RIN2: variants seen among roughly 807,000 people sequenced by gnomAD.
The protein encoded by RIN2 is RAB5 interacting protein 2.
Under a neutral mutation model 78.0 loss-of-function variants are expected in RIN2, and 36 were observed. That is an observed-to-expected ratio of 0.46 (90% CI 0.35 to 0.61). The LOEUF is 0.61. RIN2 is among the 20% of genes least tolerant of loss of function. The pLI is 0.00. For missense variants in RIN2, 1,087 were observed against 1,159.7 expected (o/e 0.94, Z 0.91); for synonymous variants, 466 against 466.8 (o/e 1.00, Z 0.02).
At chr20:19,875,020 C>T (rs2037812240) in intron 2 of RIN2, among the ~76,000 whole-genome samples, 2 of 151,754 alleles carry the variant, frequency 1.3e-5, no homozygotes, top group Admixed American at 6.6e-5. Context: ...GCCACCATAC[C>T]CAGCTAAGTT....
chr20:19,948,763 C>T (rs2146199592), intron 4 of RIN2, among the ~76,000 whole-genome samples: 1 of 152,018 alleles, frequency 6.6e-6, no homozygotes, highest in South Asian at 2.1e-4. Flanking sequence ...GAAGTATGCC[C>T]CAGACAAAAG....
intron 1 of RIN2, among the ~76,000 whole-genome samples, chr20:19,785,144 C>T (rs184972337): frequency 1.3e-5 from 2 of 152,206 alleles, no homozygotes; most frequent in Admixed American, 1.3e-4. Flanking sequence ...CTCTCACTCA[C>T]GATCCAGTAA....
Position 19,911,647 on chromosome 20 carries a change from A to G in RIN2, c.57+21989A>G, listed in dbSNP as rs540839415. On this transcript the variant is annotated intron_variant, in intron 3 of 12. Transcript: ENST00000255006. ...TGTTCATTGCTCTGGTCATGTCCTTATACTATTTCTTTTCCTATTTCTTTG... is the reference window on the plus strand; with the variant it reads ...TGTTCATTGCTCTGGTCATGTCCTTGTACTATTTCTTTTCCTATTTCTTTG... Among the ~76,000 whole-genome samples, 333 of 152,314 alleles carry G rather than the reference A, an allele frequency of 2.2e-3. 2 individuals are homozygous for G. Among genetic ancestry groups the G allele is most frequent in the African/African-American group, 7.7e-3 (321 of 41,566 alleles).
At chr20:19,882,329 T>C (rs6046403) in intron 2 of RIN2, among the ~76,000 whole-genome samples, 129,955 of 152,220 alleles carry the variant, frequency 0.85, 55,620 homozygotes, top group East Asian at 0.94. Flanking sequence ...TGATCAATCA[T>C]GTCTCTTTTA....
intron 1 of RIN2, among the ~76,000 whole-genome samples, chr20:19,764,330 A>G (rs1306776360): frequency 7.8e-6 from 1 of 128,378 alleles, no homozygotes; most frequent in African/African-American, 2.7e-5. Context: ...CCTGTGTGGT[A>G]ACTGAGGGCA....
intron 2 of RIN2, among the ~76,000 whole-genome samples, chr20:19,812,839 G>A (rs2122821399): frequency 6.6e-6 from 1 of 152,366 alleles, no homozygotes; most frequent in African/African-American, 2.4e-5. Flanking sequence ...TGAATAGGAA[G>A]TTGGTGGTTA....
intron 1 of RIN2, among the ~76,000 whole-genome samples, chr20:19,776,422 A>AGTT (rs2034312179): frequency 6.6e-6 from 1 of 152,144 alleles, no homozygotes; most frequent in Non-Finnish European, 1.5e-5. Flanking sequence ...TCTTGCAACC[A>AGTT]ATTGCCAATC....
At chr20:19,889,208 C>T (rs1396187829) in intron 2 of RIN2, 1 of 985,236 alleles carries the variant, frequency 1.0e-6, no homozygotes, top group Non-Finnish European at 1.2e-6. Context: ...TGTGATCAGC[C>T]ACATTCAATC....
At chr20:19,844,640 T>TTCTTCTTCC (rs1491251154) in intron 2 of RIN2, among the ~76,000 whole-genome samples, 1 of 138,234 alleles carries the variant, frequency 7.2e-6, no homozygotes, top group East Asian at 2.2e-4. Context: ...CTTCTTCTTC[T>TTCTTCTTCC]TCTTCTTCTT....
At chr20:19,794,403 A>G (rs1417996030) in intron 1 of RIN2, among the ~76,000 whole-genome samples, 2 of 152,196 alleles carry the variant, frequency 1.3e-5, no homozygotes, top group Admixed American at 1.3e-4. Flanking sequence ...TAAAAATACA[A>G]AAATTAGCCA....
chr20:19,898,909 G>GA (rs1206123315), intron 3 of RIN2, among the ~76,000 whole-genome samples: 1 of 152,026 alleles, frequency 6.6e-6, no homozygotes, highest in East Asian at 1.9e-4. Flanking sequence ...TGGAATTACA[G>GA]AAAAAAATGA....
At chr20:19,949,759 C>T (rs1243307513) in intron 4 of RIN2, among the ~76,000 whole-genome samples, 1 of 152,166 alleles carries the variant, frequency 6.6e-6, no homozygotes, top group Non-Finnish European at 1.5e-5. Context: ...ACCCTGGTCA[C>T]TAGGACTGGT....
At chr20:19,778,752 G>C (rs1278872700) in intron 1 of RIN2, among the ~76,000 whole-genome samples, 1 of 152,148 alleles carries the variant, frequency 6.6e-6, no homozygotes, top group Non-Finnish European at 1.5e-5. Context: ...AAGGACACCT[G>C]TTCTGAAGTT....
At chr20:19,793,903 C>T (rs996929427) in intron 1 of RIN2, among the ~76,000 whole-genome samples, 2 of 152,178 alleles carry the variant, frequency 1.3e-5, no homozygotes, top group African/African-American at 4.8e-5. Context: ...TGAGAAAGCT[C>T]ATAGCTGGGT....
In RIN2 at chr20:19,764,927, T is replaced by G. The variant is rs1216259597; in HGVS notation, c.-163+6600T>G. The stretch of plus-strand genomic sequence containing the variant: ...CCACTTCACTTTCTGCGTTTTTTTT[T>G]TTTTTTTTTTTTTTTTGACAGAGTC... On this transcript the variant is annotated intron_variant, in intron 1 of 12. Coordinates refer to ENST00000255006, the MANE Select transcript of RIN2 (RefSeq NM_018993.4). Among the ~76,000 whole-genome samples, 29 of 120,086 alleles carry G rather than the reference T, an allele frequency of 2.4e-4. 1 individual carries two copies. Among genetic ancestry groups the G allele is most frequent in the Admixed American group, 1.7e-4 (2 of 11,992 alleles). The allele number at this position is 120,086 out of a possible 152,430, so 78.8% of individuals were successfully genotyped here.
rs144137430 is a variant in RIN2 at position 19,794,352 on chromosome 20, T to C, written c.-162-5270T>C. Reference sequence around the variant, plus strand: ...GGGCAGATCACCTGAGGTCAAGAGTTCGAGCCCAGCCTGGCCAACATGGCG... The same window carrying C: ...GGGCAGATCACCTGAGGTCAAGAGTCCGAGCCCAGCCTGGCCAACATGGCG... On this transcript the variant is annotated intron_variant, in intron 1 of 12. Coordinates refer to ENST00000255006, the MANE Select transcript of RIN2 (RefSeq NM_018993.4). 1.7e-3 allele frequency among the ~76,000 whole-genome samples: 258 copies of C among 152,144 alleles called. 2 individuals carry two copies. Among genetic ancestry groups the C allele is most frequent in the African/African-American group, 5.9e-3 (244 of 41,512 alleles).
chr20:19,836,596 GCTCTCT>G (rs145293810), intron 2 of RIN2, among the ~76,000 whole-genome samples: 3 of 148,790 alleles, frequency 2.0e-5, no homozygotes, highest in Non-Finnish European at 3.0e-5. Flanking sequence ...GAGACCATGA[GCTCTCT>G]CTCTCTCTCT....
intron 2 of RIN2, among the ~76,000 whole-genome samples, chr20:19,838,863 T>A (rs1469318235): frequency 6.6e-6 from 1 of 152,112 alleles, no homozygotes; most frequent in Non-Finnish European, 1.5e-5. Flanking sequence ...CCCCACACAC[T>A]GGGGTCCCCG....
chr20:19,798,590 G>A (rs2035140429), intron 1 of RIN2, among the ~76,000 whole-genome samples: 2 of 152,096 alleles, frequency 1.3e-5, no homozygotes, highest in South Asian at 4.1e-4. Flanking sequence ...TGGAGCACAT[G>A]AGAAACATAT....
Sources: gnomAD v4.1 joint callset for allele counts (sites outside exome capture counted in the v4.1 genomes callset) on GRCh38, gnomAD v4.1.1 for gene constraint, MANE v1.5 for transcripts, NCBI Gene and HGNC (gene_info 2026-07-23, HGNC 2026-07-21) for gene names.